Variants in KIF4A observed in about 807,000 individuals in gnomAD.
KIF4A encodes chromosome-associated kinesin KIF4A.
KIF4A carries 7 observed loss-of-function variants against 105.9 expected under a neutral mutation model. The ratio of observed to expected loss-of-function variants is 0.07; its 90% CI spans 0.04 to 0.12. The LOEUF (loss-of-function observed/expected upper bound fraction) is 0.12, where lower values mean the gene tolerates loss of function less well. Ranked by LOEUF, KIF4A falls within the 10% of genes least tolerant of loss-of-function variation. The pLI is 1.00. For missense variants in KIF4A, 558 were observed against 929.2 expected (o/e 0.60, Z 5.19); for synonymous variants, 281 against 331.3 (o/e 0.85, Z 1.65).
intron 5 of KIF4A, 110 bp downstream of exon 5, chrX:70,299,312 G>A: frequency 3.4e-6 from 2 of 580,527 alleles, no homozygotes; most frequent in South Asian, 1.0e-4. Context: ...TATCATCTCA[G>A]TCAGGTTTTC....
intron 23 of KIF4A, among the ~76,000 whole-genome samples, chrX:70,403,058 ATCCAG>A (rs2086288112): frequency 8.9e-6 from 1 of 111,953 alleles, no homozygotes; most frequent in East Asian, 2.8e-4. Flanking sequence ...AAAATTTAAG[ATCCAG>A]TCTAGAAAAG....
At chrX:70,371,836 C>T (rs1290712488) in intron 15 of KIF4A, among the ~76,000 whole-genome samples, 1 of 102,218 alleles carries the variant, frequency 9.8e-6, no homozygotes. Context: ...AGGGGCTCCT[C>T]ACTTCTCAGA....
intron 13 of KIF4A, among the ~76,000 whole-genome samples, chrX:70,346,049 G>A (rs1288827043): frequency 1.8e-5 from 2 of 111,307 alleles, no homozygotes; most frequent in Non-Finnish European, 1.9e-5. Context: ...CACTGCTTAC[G>A]AGTTAGCCCT....
intron 15 of KIF4A, among the ~76,000 whole-genome samples, chrX:70,363,184 G>A (rs1488307269): frequency 8.1e-5 from 9 of 111,380 alleles, no homozygotes; most frequent in Non-Finnish European, 1.7e-4. Flanking sequence ...TCCCCCTTGT[G>A]GAGTTGGTAA....
Position 70,406,320 on chromosome X carries a change from C to T in KIF4A, c.3038C>T (p.Ser1013Phe), listed in dbSNP as rs1389006637. Residue 1013 changes from serine (S) to phenylalanine (F), a missense_variant, in exon 27 of 31, where the codon TCT (serine) becomes TTT (phenylalanine). Physicochemically the swap from Ser to Phe is radical, Grantham distance 155. Transcript: ENST00000374403. ...CATCTTCCTAAGGATACCCTTCTAT[C>T]TCCAGACTCTTCTTTTGAATATGTC... The part of the protein sequence containing the change: ...QKHLPKDTLL[S>F]PDSSFEYVPP... The T allele has an allele frequency of 8.3e-7, 1 of 1,204,926 alleles. No homozygotes were observed. The highest frequency in any genetic ancestry group is 1.1e-6 in the Non-Finnish European group (1 of 890,631).
At chrX:70,397,926 ATGT>A (rs1185106562) in intron 22 of KIF4A, among the ~76,000 whole-genome samples, 3 of 112,370 alleles carry the variant, frequency 2.7e-5, no homozygotes, top group Non-Finnish European at 5.6e-5. Flanking sequence ...AATTTCAAGA[ATGT>A]TGTAAACCGT....
chrX:70,335,934 C>T (rs1386882594), intron 10 of KIF4A, among the ~76,000 whole-genome samples: 1 of 111,938 alleles, frequency 8.9e-6, no homozygotes, highest in East Asian at 2.8e-4. Flanking sequence ...TCCTATTTCC[C>T]ACCCTTATTT....
At chrX:70,362,968 G>A (rs1417238236) in intron 15 of KIF4A, among the ~76,000 whole-genome samples, 1 of 111,238 alleles carries the variant, frequency 9.0e-6, no homozygotes. Context: ...TCTCGCCCAG[G>A]CTGGAGTGCA....
At chrX:70,384,975 G>A (rs1459054374) in intron 18 of KIF4A, among the ~76,000 whole-genome samples, 3 of 108,412 alleles carry the variant, frequency 2.8e-5, no homozygotes, top group African/African-American at 1.0e-4. Flanking sequence ...ATTTTTTTTT[G>A]TATTTTTAGT....
At chrX:70,309,199 A>G (rs1602742748) in intron 7 of KIF4A, among the ~76,000 whole-genome samples, 1 of 111,586 alleles carries the variant, frequency 9.0e-6, no homozygotes, top group Non-Finnish European at 1.9e-5. Context: ...CTCTTTATCC[A>G]CTCTACCTAC....
At chrX:70,376,036 C>T in intron 17 of KIF4A, 64 bp from the exon 18 acceptor site, 1 of 743,089 alleles carries the variant, frequency 1.3e-6, no homozygotes, top group Non-Finnish European at 2.0e-6. Context: ...TAAGTCTATC[C>T]ATCCGCACCA....
intron 15 of KIF4A, among the ~76,000 whole-genome samples, chrX:70,364,693 C>A (rs1342934939): frequency 8.9e-6 from 1 of 111,876 alleles, no homozygotes; most frequent in Non-Finnish European, 1.9e-5. Context: ...CAACTTTGTT[C>A]TTTTGGCTGA....
chrX:70,406,861 A>G (rs781536254), intron 27 of KIF4A, 32 bp from the exon 28 acceptor site: 2 of 1,194,753 alleles, frequency 1.7e-6, no homozygotes, highest in Non-Finnish European at 2.3e-6. Context: ...TTTTTATTAA[A>G]TAACTAAACT....
At chrX:70,363,027 A>G (rs1040874519) in intron 15 of KIF4A, among the ~76,000 whole-genome samples, 2 of 110,767 alleles carry the variant, frequency 1.8e-5, no homozygotes, top group African/African-American at 6.6e-5. Context: ...GGTTCAAGGG[A>G]TCCTCCCACC....
chrX:70,359,320 T>C (rs997099682), intron 15 of KIF4A, among the ~76,000 whole-genome samples: 5 of 111,062 alleles, frequency 4.5e-5, no homozygotes, highest in African/African-American at 1.6e-4. Flanking sequence ...TATTTTGGCT[T>C]TTCCAGGATA....
intron 7 of KIF4A, among the ~76,000 whole-genome samples, chrX:70,329,124 A>G (rs1011964854): frequency 8.9e-6 from 1 of 112,210 alleles, no homozygotes; most frequent in South Asian, 3.7e-4. Flanking sequence ...GTAAATAACT[A>G]TACAGATGGT....
chrX:70,388,592 G>T (rs907320458), intron 20 of KIF4A, among the ~76,000 whole-genome samples: 30 of 111,600 alleles, frequency 2.7e-4, no homozygotes, highest in African/African-American at 9.4e-4. Flanking sequence ...TATTCTGTGT[G>T]GGTGGGTAGT....
At chrX:70,389,729 CATTGATCT>C (rs1447088562) in intron 20 of KIF4A, among the ~76,000 whole-genome samples, 18 of 112,503 alleles carry the variant, frequency 1.6e-4, no homozygotes, top group African/African-American at 5.5e-4. Flanking sequence ...CAGATTGTTT[CATTGATCT>C]ATATGTCTAT....
chrX:70,347,662 A>AT (rs949066655), intron 13 of KIF4A, among the ~76,000 whole-genome samples: 13 of 110,471 alleles, frequency 1.2e-4, no homozygotes, highest in African/African-American at 4.3e-4. Flanking sequence ...ACCATTATAG[A>AT]TTTTTTTTAA....
Sources: gnomAD v4.1 joint callset for allele counts (sites outside exome capture counted in the v4.1 genomes callset) on GRCh38, gnomAD v4.1.1 for gene constraint, MANE v1.5 for transcripts, NCBI Gene and HGNC (gene_info 2026-07-23, HGNC 2026-07-21) for gene names.